Variants in SPG11 observed in about 807,000 individuals in gnomAD.
The protein encoded by SPG11 is SPG11 vesicle trafficking associated, spatacsin.
In SPG11, 222 loss-of-function variants were observed where a neutral mutation model predicts 274.0. That is an observed-to-expected ratio of 0.81 (90% confidence interval 0.73 to 0.91). The LOEUF (loss-of-function observed/expected upper bound fraction) is 0.91. Ranked by LOEUF, SPG11 falls within the 40% of genes least tolerant of loss-of-function variation. The pLI is 0.00. For synonymous variants in SPG11, 1,144 were observed against 1,039.7 expected (o/e 1.10, Z -1.93); for missense variants, 3,114 against 2,872.7 (o/e 1.08, Z -1.92).
chr15:44,609,376 G>A (rs1254777462), intron 18 of SPG11, among the ~76,000 whole-genome samples: 2 of 151,294 alleles, frequency 1.3e-5, no homozygotes, highest in African/African-American at 2.4e-5. Flanking sequence ...TGATCCGCCC[G>A]CCTCACCCTC....
At chr15:44,642,311 G>C (rs975876881) in intron 7 of SPG11, among the ~76,000 whole-genome samples, 10 of 143,922 alleles carry the variant, frequency 6.9e-5, no homozygotes, top group African/African-American at 2.6e-4. Context: ...GTTGCAGTAA[G>C]CTGAGATAGC....
rs1372562122 is a variant in SPG11 at position 44,648,883 on chromosome 15, G to A, written c.1585C>T (p.Pro529Ser). The part of the protein sequence containing the change: ...HLNGWGRCSI[P>S]IHALEAGIEN... The stretch of plus-strand genomic sequence containing the variant: ...TCTGTTACCTCTAGTGCATGTATGG[G>A]AATTGAGCACCTTCCCCAGCCATTG... Residue 529 changes from proline (P) to serine (S), a missense_variant, in exon 7 of 40, where the codon CCC becomes TCC. Coordinates refer to ENST00000261866, the MANE Select transcript of SPG11 (RefSeq NM_025137.4). 6 of 1,613,972 alleles carry A rather than the reference G, an allele frequency of 3.7e-6. 1 individual carries two copies. In the South Asian group the frequency reaches 5.5e-5, roughly 15 times the overall value.
chr15:44,628,403 G>A (rs1595897681), intron 10 of SPG11, among the ~76,000 whole-genome samples: 1 of 152,294 alleles, frequency 6.6e-6, no homozygotes, highest in Non-Finnish European at 1.5e-5. Context: ...ACTTCACATG[G>A]GTTTAGAGTT....
intron 33 of SPG11, chr15:44,572,436 A>G: frequency 2.0e-6 from 1 of 494,162 alleles, no homozygotes; most frequent in Non-Finnish European, 3.7e-6. Context: ...AGGGCAATAT[A>G]AGAGTGAAAT....
At chr15:44,601,308 T>C (rs1166604979) in intron 20 of SPG11, among the ~76,000 whole-genome samples, 1 of 152,122 alleles carries the variant, frequency 6.6e-6, no homozygotes, top group Non-Finnish European at 1.5e-5. Context: ...TCGCCCAGAC[T>C]GGAGTGCAGT....
At chr15:44,608,633 G>C in intron 18 of SPG11, 28 bp from the exon 19 acceptor site, 2 of 1,608,914 alleles carry the variant, frequency 1.2e-6, no homozygotes, top group Non-Finnish European at 1.7e-6. Context: ...TAACAGGTTG[G>C]ACAGTAGCAT....
At chr15:44,662,736 T>A (rs1028520896) in intron 1 of SPG11, among the ~76,000 whole-genome samples, 1 of 150,262 alleles carries the variant, frequency 6.7e-6, no homozygotes, top group Non-Finnish European at 1.5e-5. Flanking sequence ...AACTCTTAAG[T>A]ACTGAACCAA....
intron 31 of SPG11, 199 bp from the exon 32 acceptor site, chr15:44,573,944 A>G (rs576389574): frequency 3.3e-5 from 20 of 613,000 alleles, no homozygotes; most frequent in Non-Finnish European, 5.8e-5. Flanking sequence ...TCCAGGTAAA[A>G]GAAAGGCTTG....
intron 19 of SPG11, among the ~76,000 whole-genome samples, chr15:44,607,862 G>A (rs913726270): frequency 4.6e-5 from 7 of 152,204 alleles, no homozygotes; most frequent in African/African-American, 1.7e-4. Flanking sequence ...TCATTGAGAA[G>A]AGATAGTTAG....
intron 15 of SPG11, among the ~76,000 whole-genome samples, chr15:44,616,040 G>A (rs2083585055): frequency 6.6e-6 from 1 of 151,938 alleles, no homozygotes; most frequent in Non-Finnish European, 1.5e-5. Context: ...TATACCAAAG[G>A]AGTAAAGAAA....
intron 7 of SPG11, among the ~76,000 whole-genome samples, chr15:44,645,803 C>A (rs2084591204): frequency 6.6e-6 from 1 of 152,088 alleles, no homozygotes; most frequent in South Asian, 2.1e-4. Flanking sequence ...GGGAAAAGGA[C>A]ATGAACAGAC....
At chr15:44,627,054 C>G (rs980959576) in intron 10 of SPG11, among the ~76,000 whole-genome samples, 6 of 152,110 alleles carry the variant, frequency 3.9e-5, no homozygotes, top group Non-Finnish European at 7.4e-5. Context: ...AGCAGAGGAT[C>G]CATCATCATG....
intron 30 of SPG11, among the ~76,000 whole-genome samples, chr15:44,580,489 A>G (rs1004711021): frequency 1.3e-5 from 2 of 152,254 alleles, no homozygotes; most frequent in Non-Finnish European, 2.9e-5. Context: ...TTTAAAAAAA[A>G]CTGAACTGGC....
intron 31 of SPG11, 200 bp from the exon 32 acceptor site, chr15:44,573,945 G>T (rs1595828870): frequency 1.6e-6 from 1 of 612,084 alleles, no homozygotes; most frequent in Non-Finnish European, 2.9e-6. Flanking sequence ...CCAGGTAAAA[G>T]AAAGGCTTGT....
chr15:44,630,160 T>C (rs1367900192), intron 8 of SPG11, among the ~76,000 whole-genome samples: 1 of 152,222 alleles, frequency 6.6e-6, no homozygotes, highest in African/African-American at 2.4e-5. Context: ...ACAAGAAGTG[T>C]GGGCCCCTGG....
chr15:44,580,453 AATCT>A (rs2082636733), intron 30 of SPG11, among the ~76,000 whole-genome samples: 1 of 152,206 alleles, frequency 6.6e-6, no homozygotes, highest in African/African-American at 2.4e-5. Flanking sequence ...GAAATTATCC[AATCT>A]GAACAACAGA....
intron 1 of SPG11, 126 bp downstream of exon 1, chr15:44,663,265 C>A: frequency 7.6e-7 from 1 of 1,320,584 alleles, no homozygotes; most frequent in Non-Finnish European, 1.0e-6. Context: ...GCGTTTCCTG[C>A]AGCTGGCACC....
chr15:44,569,266 T>C (rs1466008187), intron 35 of SPG11, 132 bp downstream of exon 35: 21 of 724,390 alleles, frequency 2.9e-5, no homozygotes, highest in Non-Finnish European at 5.0e-6. Flanking sequence ...GTGTATGTCT[T>C]GGGGAGGTCC....
chr15:44,620,006 G>A (rs549950647), intron 15 of SPG11, 184 bp downstream of exon 15: 42 of 596,276 alleles, frequency 7.0e-5, no homozygotes, highest in East Asian at 3.1e-4. Flanking sequence ...ATGAGCCACC[G>A]CACTTGGCCA....
Sources: allele counts gnomAD v4.1 joint callset (sites outside exome capture counted in the v4.1 genomes callset), GRCh38; gene constraint gnomAD v4.1.1; transcripts MANE v1.5; gene names NCBI Gene and HGNC (gene_info 2026-07-23, HGNC 2026-07-21).